KCNS3: variants seen among roughly 807,000 people sequenced by gnomAD.
The protein encoded by KCNS3 is potassium voltage-gated channel modifier subfamily S member 3, also known as delayed-rectifier potassium channel regulatory subunit KCNS3.
Under a neutral mutation model 31.0 loss-of-function variants are expected in KCNS3, and 13 were observed. The ratio of observed to expected loss-of-function variants is 0.42; its 90% CI spans 0.27 to 0.67. The LOEUF is 0.67. Ranked by LOEUF, KCNS3 falls within the 30% of genes least tolerant of loss-of-function variation. KCNS3 has a pLI of 0.25. For missense variants in KCNS3, 545 were observed against 622.4 expected (o/e 0.88, Z 1.32); for synonymous variants, 238 against 241.5 (o/e 0.99, Z 0.13).
chr2:17,917,925 A>T (rs185308195), intron 2 of KCNS3, 54 bp downstream of exon 2: 2 of 152,772 alleles, frequency 1.3e-5, no homozygotes, highest in Admixed American at 6.5e-5. Context: ...TTATCAAAGG[A>T]GGATGAGAAT....
intron 1 of KCNS3, among the ~76,000 whole-genome samples, chr2:17,913,233 A>G (rs1239030755): frequency 3.9e-5 from 6 of 152,226 alleles, no homozygotes; most frequent in Non-Finnish European, 8.8e-5. Flanking sequence ...TATTGCTCTC[A>G]GATTTTATTA....
At chr2:17,929,771 A>G (rs892546517) in intron 2 of KCNS3, among the ~76,000 whole-genome samples, 1 of 152,226 alleles carries the variant, frequency 6.6e-6, no homozygotes, top group African/African-American at 2.4e-5. Context: ...GGGGAAGTCT[A>G]TGTAGTGGAG....
intron 1 of KCNS3, among the ~76,000 whole-genome samples, chr2:17,906,362 T>G (rs931359043): frequency 1.3e-5 from 2 of 152,202 alleles, no homozygotes; most frequent in Non-Finnish European, 2.9e-5. Flanking sequence ...TTCTTCTTTA[T>G]TAGTCTTGCT....
At chr2:17,894,278 AT>A (rs1302193126) in intron 1 of KCNS3, among the ~76,000 whole-genome samples, 1 of 152,072 alleles carries the variant, frequency 6.6e-6, no homozygotes, top group African/African-American at 2.4e-5. Flanking sequence ...CCGGAGCACT[AT>A]ATGATGTAGA....
intron 1 of KCNS3, among the ~76,000 whole-genome samples, chr2:17,915,456 C>A (rs1319077725): frequency 3.3e-5 from 5 of 152,076 alleles, no homozygotes; most frequent in Admixed American, 3.3e-4. Context: ...CTGCTCACTC[C>A]CCCCAATCCC....
chr2:17,879,887 GGGC>G (rs1674604615), intron 1 of KCNS3, among the ~76,000 whole-genome samples: 1 of 152,172 alleles, frequency 6.6e-6, no homozygotes, highest in Non-Finnish European at 1.5e-5. Flanking sequence ...GTGGGGGGAG[GGGC>G]GGTAGGTGTT....
rs369231020 is a variant in KCNS3, at chr2:17,908,930, C to G, written c.-251-8750C>G. 7.5e-4 allele frequency among the ~76,000 whole-genome samples: 115 copies of G among 152,350 alleles called. 2 individuals are homozygous for G. The South Asian group carries it at 0.024, about 31-fold the overall frequency. On this transcript the variant is annotated intron_variant, in intron 1 of 2. Transcript: ENST00000304101. ...TCAGGGACTCACTTGAGGAGGCAGT[C>G]TGTCCATTCTCAGATCTCAAACTCT...
In KCNS3 at chr2:17,895,687, G is replaced by A. The variant is rs188488438; in HGVS notation, c.-252+16881G>A. ...CTGCAGGCACAAAGGTGAGGTGCTTGTGTAGCATTAGGTGCGTGTATGAGG... is the reference window on the plus strand; with the variant it reads ...CTGCAGGCACAAAGGTGAGGTGCTTATGTAGCATTAGGTGCGTGTATGAGG... On this transcript the variant is annotated intron_variant, in intron 1 of 2. Transcript: ENST00000304101. 4.5e-3 allele frequency among the ~76,000 whole-genome samples: 692 copies of A among 152,330 alleles called. 5 individuals are homozygous for A. The highest frequency in any genetic ancestry group is 0.016 in the African/African-American group (657 of 41,570).
At chr2:17,878,430 G>C (rs1674555749), upstream of KCNS3, among the ~76,000 whole-genome samples, 1 of 151,790 alleles carries the variant, frequency 6.6e-6, no homozygotes, top group Non-Finnish European at 1.5e-5. Context: ...GCGCGCGGCC[G>C]GCAGGGCAGC....
At chr2:17,927,424 C>T (rs546598192) in intron 2 of KCNS3, among the ~76,000 whole-genome samples, 2 of 152,182 alleles carry the variant, frequency 1.3e-5, no homozygotes, top group Non-Finnish European at 2.9e-5. Context: ...GTACCCCACT[C>T]TCTGTGGTGC....
At chr2:17,921,833 C>T (rs1209021898) in intron 2 of KCNS3, among the ~76,000 whole-genome samples, 1 of 148,352 alleles carries the variant, frequency 6.7e-6, no homozygotes, top group South Asian at 2.1e-4. Context: ...TACAATTTGA[C>T]GTGAGATTTG....
intron 1 of KCNS3, among the ~76,000 whole-genome samples, chr2:17,887,912 C>A (rs1390005488): frequency 6.6e-6 from 1 of 152,036 alleles, no homozygotes; most frequent in South Asian, 2.1e-4. Context: ...TATTTCATTT[C>A]CCTGATCATT....
At chr2:17,916,332 G>A (rs1374426024) in intron 1 of KCNS3, among the ~76,000 whole-genome samples, 1 of 152,152 alleles carries the variant, frequency 6.6e-6, no homozygotes, top group Non-Finnish European at 1.5e-5. Flanking sequence ...CCACTGAGAG[G>A]CCATGAAGGA....
intron 1 of KCNS3, among the ~76,000 whole-genome samples, chr2:17,907,125 T>G (rs1018772021): frequency 6.6e-6 from 1 of 152,004 alleles, no homozygotes; most frequent in African/African-American, 2.4e-5. Flanking sequence ...AGGACTTGCT[T>G]TATGAATCTG....
At chr2:17,930,908 A>T in intron 2 of KCNS3, 42 bp from the exon 3 acceptor site, 1 of 1,364,318 alleles carries the variant, frequency 7.3e-7, no homozygotes, top group Non-Finnish European at 1.0e-6. Flanking sequence ...TTGGCTGGGC[A>T]CGGCAGGACA....
chr2:17,919,321 A>T (rs1412803788), intron 2 of KCNS3: 5 of 152,200 alleles, frequency 3.3e-5, no homozygotes, highest in African/African-American at 4.8e-5. Flanking sequence ...CCATTATATC[A>T]GTCTTTTATT....
At position 17,931,197 on chromosome 2, in the gene KCNS3, C is replaced by T. The variant is rs1277894456; in HGVS notation, c.189C>T (p.Ala63=). The change falls in exon 3 of 3, where the codon GCC becomes GCT. Residue 63 remains alanine, a synonymous_variant. Coordinates refer to ENST00000304101, the MANE Select transcript of KCNS3 (RefSeq NM_002252.5). The surrounding 1 kb of genome is among the most constrained non-coding windows in gnomAD (Gnocchi z 5.4). ...ILELCDDYSV[A]DKEYYFDRNP... ...AGCTGTGTGATGATTACAGTGTGGCCGATAAGGAGTACTACTTTGATCGGA... is the reference window on the plus strand; with the variant it reads ...AGCTGTGTGATGATTACAGTGTGGCTGATAAGGAGTACTACTTTGATCGGA... 5.6e-6 allele frequency: 9 copies of T among 1,613,886 alleles called. No individual in the cohort carries two copies. The highest frequency in any genetic ancestry group is 1.6e-4 in the Middle Eastern group (1 of 6,082).
At chr2:17,907,759 C>T (rs1662370897) in intron 1 of KCNS3, among the ~76,000 whole-genome samples, 1 of 152,122 alleles carries the variant, frequency 6.6e-6, no homozygotes. Flanking sequence ...GTTGAAAATT[C>T]TTTTCCTTAA....
chr2:17,912,374 C>G (rs1662490374), intron 1 of KCNS3, among the ~76,000 whole-genome samples: 1 of 152,220 alleles, frequency 6.6e-6, no homozygotes, highest in Non-Finnish European at 1.5e-5. Flanking sequence ...AATGGGACAG[C>G]CCTAGCCTCT....
Sources: allele counts gnomAD v4.1 joint callset (sites outside exome capture counted in the v4.1 genomes callset), GRCh38; gene constraint gnomAD v4.1.1; non-coding constraint Gnocchi (gnomAD v3.1); transcripts MANE v1.5; gene names NCBI Gene and HGNC (gene_info 2026-07-23, HGNC 2026-07-21).